Variants in PKN2 observed in about 807,000 individuals in gnomAD.
PKN2 encodes the protein protein kinase N2.
A neutral mutation model predicts 119.1 loss-of-function variants in PKN2; 38 were observed. That is an observed-to-expected ratio of 0.32 (90% confidence interval 0.25 to 0.42). The LOEUF is 0.42. PKN2 is among the 10% of genes least tolerant of loss of function. PKN2 has a pLI of 1.00. For missense variants in PKN2, 850 were observed against 1,165.1 expected (o/e 0.73, Z 3.94); for synonymous variants, 390 against 384.9 (o/e 1.01, Z -0.15).
chr1:88,691,414 A>G (rs922388330), intron 1 of PKN2, among the ~76,000 whole-genome samples: 1 of 152,084 alleles, frequency 6.6e-6, no homozygotes, highest in African/African-American at 2.4e-5. Context: ...CCTTCCCTGT[A>G]GTTGCTACCT....
chr1:88,744,623 C>T (rs1668700790), intron 2 of PKN2, among the ~76,000 whole-genome samples: 1 of 152,110 alleles, frequency 6.6e-6, no homozygotes, highest in Non-Finnish European at 1.5e-5. Flanking sequence ...GGTTTCATCA[C>T]ATTGGCCAGG....
At chr1:88,739,003 C>T (rs1668468099) in intron 1 of PKN2, among the ~76,000 whole-genome samples, 2 of 152,144 alleles carry the variant, frequency 1.3e-5, no homozygotes, top group African/African-American at 4.8e-5. Flanking sequence ...AGCATTTTGG[C>T]TCAGGTAGAA....
rs1388409354 is a variant in PKN2 at position 88,835,313 on chromosome 1, G to T, written c.*1865G>T. 1 of 152,404 alleles carries T rather than the reference G, an allele frequency of 6.6e-6. No homozygotes were observed. Among genetic ancestry groups the T allele is most frequent in the African/African-American group, 2.4e-5 (1 of 41,424 alleles). 9.4% of individuals were successfully genotyped at this position (152,404 alleles called of 1,614,324 possible). On this transcript the variant is annotated 3_prime_UTR_variant, in exon 22 of 22. Coordinates refer to ENST00000370521, the MANE Select transcript of PKN2 (RefSeq NM_006256.4). ...ATTGTCTGGCTTTAATTTAAACTGTGTTAATACAACATTAAAATAAAACAC... is the reference window on the plus strand; with the variant it reads ...ATTGTCTGGCTTTAATTTAAACTGTTTTAATACAACATTAAAATAAAACAC...
intron 19 of PKN2, 106 bp from the exon 20 acceptor site, chr1:88,832,638 C>A (rs1672777979): frequency 1.6e-6 from 1 of 610,406 alleles, no homozygotes; most frequent in Non-Finnish European, 2.9e-6. Context: ...GTTGTTTTGT[C>A]TGTTTTTTCT....
chr1:88,745,378 C>T (rs1277549162), intron 2 of PKN2, among the ~76,000 whole-genome samples: 1 of 152,122 alleles, frequency 6.6e-6, no homozygotes, highest in Non-Finnish European at 1.5e-5. Context: ...CTAAAGACTC[C>T]ACCATAAAGC....
chr1:88,829,225 G>A (rs781131455), intron 19 of PKN2: 6 of 719,502 alleles, frequency 8.3e-6, no homozygotes, highest in African/African-American at 3.5e-5. Flanking sequence ...ACATCAGCAC[G>A]ATAAAAGCCA....
At chr1:88,816,150 AG>A (rs1158278765) in intron 16 of PKN2, among the ~76,000 whole-genome samples, 21 of 146,858 alleles carry the variant, frequency 1.4e-4, no homozygotes, top group Non-Finnish European at 2.7e-4. Context: ...ATTAAAAAAA[AG>A]AGAGAAATCA....
intron 18 of PKN2, among the ~76,000 whole-genome samples, chr1:88,825,842 C>G (rs1557638580): frequency 6.6e-6 from 1 of 152,198 alleles, no homozygotes; most frequent in Non-Finnish European, 1.5e-5. Flanking sequence ...CGTTACTGAT[C>G]TGCCTGCCTT....
intron 8 of PKN2, among the ~76,000 whole-genome samples, chr1:88,799,759 A>C (rs186862142): frequency 6.5e-4 from 99 of 152,250 alleles, no homozygotes; most frequent in Non-Finnish European, 1.3e-3. Context: ...ATGGATTTCT[A>C]CTGTTGCTTG....
intron 8 of PKN2, among the ~76,000 whole-genome samples, chr1:88,795,057 C>T (rs745513787): frequency 2.0e-5 from 3 of 152,142 alleles, no homozygotes; most frequent in Non-Finnish European, 2.9e-5. Flanking sequence ...ATTTTTATTT[C>T]ATTACCAGCA....
chr1:88,770,499 G>T, intron 4 of PKN2, 30 bp downstream of exon 4: 2 of 1,123,422 alleles, frequency 1.8e-6, no homozygotes, highest in South Asian at 2.5e-5. Flanking sequence ...TCCTTCTTAT[G>T]AGCATAATGG....
At chr1:88,785,936 A>G (rs66686865) in intron 7 of PKN2, among the ~76,000 whole-genome samples, 168 bp from the exon 8 acceptor site, 10,170 of 152,272 alleles carry the variant, frequency 0.067, 691 homozygotes, top group African/African-American at 0.18. Context: ...TAGTAGGAGT[A>G]TATGTATCTG....
At chr1:88,705,597 C>T (rs1251609919) in intron 1 of PKN2, among the ~76,000 whole-genome samples, 1 of 151,902 alleles carries the variant, frequency 6.6e-6, no homozygotes, top group Admixed American at 6.6e-5. Flanking sequence ...ACTTGAGAGG[C>T]TGAGGCAGGA....
chr1:88,779,643 TTATAAA>T (rs1401713043), intron 6 of PKN2, among the ~76,000 whole-genome samples: 2 of 152,198 alleles, frequency 1.3e-5, no homozygotes, highest in Admixed American at 6.5e-5. Flanking sequence ...TTTAATTTTC[TTATAAA>T]TATTAATGCC....
intron 1 of PKN2, among the ~76,000 whole-genome samples, chr1:88,724,453 A>G (rs763867722): frequency 2.0e-5 from 3 of 151,894 alleles, no homozygotes; most frequent in African/African-American, 7.3e-5. Context: ...TTGTTATGCT[A>G]CCTATTTTTT....
chr1:88,758,812 T>C (rs1370605276), intron 2 of PKN2, among the ~76,000 whole-genome samples: 1 of 152,188 alleles, frequency 6.6e-6, no homozygotes, highest in Non-Finnish European at 1.5e-5. Flanking sequence ...GTTGATTCCA[T>C]GTCTTTGCTA....
intron 2 of PKN2, among the ~76,000 whole-genome samples, chr1:88,754,091 CT>C (rs1669106999): frequency 6.6e-6 from 1 of 152,004 alleles, no homozygotes; most frequent in South Asian, 2.1e-4. Flanking sequence ...TATGTTTATG[CT>C]TGGGGTTGAT....
At chr1:88,791,240 A>G (rs1226793482) in intron 8 of PKN2, among the ~76,000 whole-genome samples, 1 of 152,174 alleles carries the variant, frequency 6.6e-6, no homozygotes, top group Non-Finnish European at 1.5e-5. Context: ...GTTTGAGACC[A>G]GCCTGACCAA....
chr1:88,772,734 T>G (rs1669946029), intron 6 of PKN2, among the ~76,000 whole-genome samples: 1 of 152,290 alleles, frequency 6.6e-6, no homozygotes, highest in Non-Finnish European at 1.5e-5. Context: ...TATCTAAGAT[T>G]TTGAGGAACT....
Sources: gnomAD v4.1 joint callset for allele counts (sites outside exome capture counted in the v4.1 genomes callset) on GRCh38, gnomAD v4.1.1 for gene constraint, MANE v1.5 for transcripts, NCBI Gene and HGNC (gene_info 2026-07-23, HGNC 2026-07-21) for gene names.